The following GRIN3B variants were observed in gnomAD, a reference collection of about 807,000 sequenced individuals.
GRIN3B encodes glutamate receptor ionotropic, NMDA 3B.
In GRIN3B, 77 loss-of-function variants were observed where a neutral mutation model predicts 66.0. That is an observed-to-expected ratio of 1.17 (90% confidence interval 0.97 to 1.41). The LOEUF is 1.41. Ranked by LOEUF, GRIN3B falls within the 40% of genes most tolerant of loss-of-function variation. GRIN3B has a pLI of 0.00. For missense variants in GRIN3B, 1,787 were observed against 1,564.5 expected, an observed-to-expected ratio of 1.14 and a Z score of -2.40; for synonymous variants, 823 against 749.7, an observed-to-expected ratio of 1.10 and a Z score of -1.60.
In GRIN3B at chr19:1,009,477, C is replaced by A. The variant is rs538688866; in HGVS notation, c.3007C>A (p.Arg1003=). ...ARERLRQALV[R]RGQLLAQLGD... is the part of the protein sequence containing the mutation. ...TGAGCGGCTCCGCCAGGCCCTGGTG[C>A]GGCGCGGCCAGCTCCTGGCACAGCT... Residue 1003 remains arginine, a synonymous_variant, in exon 9 of 9, where the codon CGG becomes AGG. Coordinates refer to ENST00000234389, the MANE Select transcript of GRIN3B (RefSeq NM_138690.3). The A allele has an allele frequency of 1.7e-5, 26 of 1,486,530 alleles. No individual in the cohort carries two copies. The African/African-American group carries it at 3.4e-4, about 19-fold the overall frequency. The allele number at this position is 1,486,530 out of a possible 1,614,324, so 92.1% of individuals were successfully genotyped here.
At position 1,003,592 on chromosome 19, in the gene GRIN3B, G is replaced by A; in HGVS notation, c.889G>A (p.Val297Met). The A allele has an allele frequency of 1.6e-5, 24 of 1,470,572 alleles. No individual in the cohort carries two copies. Among genetic ancestry groups the A allele is most frequent in the Non-Finnish European group, 2.1e-5 (23 of 1,115,746 alleles). The allele number at this position is 1,470,572 out of a possible 1,614,324, so 91.1% of individuals were successfully genotyped here. ...PPLEAAIHDI[V>M]QLVARALGSA... ...GCTGGAGGCCGCCATCCATGACATT[G>A]TGCAACTGGTGGCCCGGGCGCTGGG... Residue 297 changes from valine (V) to methionine (M), a missense_variant, in exon 2 of 9, where the codon GTG becomes ATG. By Grantham distance (21) the Val-to-Met change is conservative (BLOSUM62 1). Coordinates refer to ENST00000234389, the MANE Select transcript of GRIN3B (RefSeq NM_138690.3).
At chr19:1,003,800 C>T (rs1245045825) in intron 2 of GRIN3B, 78 bp downstream of exon 2, 22 of 1,156,918 alleles carry the variant, frequency 1.9e-5, no homozygotes, top group African/African-American at 6.5e-5. Flanking sequence ...CAAAAGGCAA[C>T]GTGAGGCCAG....
At position 1,005,121 on chromosome 19, in the gene GRIN3B, G is replaced by C. The variant is rs754468082; in HGVS notation, c.1620G>C (p.Gln540His). The part of the protein sequence containing the change: ...TSFSINSARS[Q>H]VVDFTSPFFS... ...TCAGTATCAACTCCGCCCGCTCACA[G>C]GTGGTGGACTTCACCAGCCCCTTCT... The change falls in exon 3 of 9, where the codon CAG becomes CAC. Residue 540 changes from glutamine to histidine, a missense_variant. Gln to His is a conservative substitution (Grantham distance 24, BLOSUM62 0). Coordinates refer to ENST00000234389, the MANE Select transcript of GRIN3B (RefSeq NM_138690.3). This position sits in a 1 kb window ranked among gnomAD's most constrained non-coding sequence, Gnocchi z 5.2. 5 of 1,613,198 alleles carry C rather than the reference G, an allele frequency of 3.1e-6. No individual in the cohort carries two copies. The South Asian group carries it at 4.4e-5, about 14-fold the overall frequency.
chr19:1,007,862 C>CA lies in GRIN3B; in HGVS notation c.2205_2206insA (p.Pro736ThrfsTer36). ...CCGCCCCCGGCCCCAGCAGGAGCGACCCCCCCAAGCTCAACGCCTTCATCA... is the reference window on the plus strand; with the variant it reads ...CCGCCCCCGGCCCCAGCAGGAGCGACACCCCCCAAGCTCAACGCCTTCATCA... On this transcript the variant is annotated frameshift_variant, in exon 5 of 9. Coordinates refer to ENST00000234389, the MANE Select transcript of GRIN3B (RefSeq NM_138690.3). LOFTEE classifies it high-confidence loss of function. The surrounding 1 kb of genome is among the most constrained non-coding windows in gnomAD (Gnocchi z 4.4). 2.5e-6 allele frequency: 4 copies of CA among 1,605,738 alleles called. No homozygotes were observed. The East Asian group carries it at 9.0e-5, about 36-fold the overall frequency.
chr19:1,009,488 G>A lies in GRIN3B; in HGVS notation c.3018G>A (p.Gln1006=), dbSNP rs1444221669. Residue 1006 remains glutamine (Q), a synonymous_variant, in exon 9 of 9, where the codon CAG becomes CAA. Transcript: ENST00000234389. ...GCCAGGCCCTGGTGCGGCGCGGCCA[G>A]CTCCTGGCACAGCTCGGGGACAGCG... ...RLRQALVRRG[Q]LLAQLGDSAR... 1.3e-6 allele frequency: 2 copies of A among 1,490,938 alleles called. No individual in the cohort carries two copies. The highest frequency in any genetic ancestry group is 1.3e-5 in the South Asian group (1 of 78,994). 92.4% of individuals were successfully genotyped at this position (1,490,938 alleles called of 1,614,324 possible).
chr19:1,009,005 G>A, intron 8 of GRIN3B, 78 bp downstream of exon 8: 1 of 1,521,136 alleles, frequency 6.6e-7, no homozygotes, highest in Non-Finnish European at 8.9e-7. Flanking sequence ...GAAGCCGGCC[G>A]CGGGGTGCAG....
Position 1,005,727 on chromosome 19 carries a change from C to T in GRIN3B, c.2052+174C>T, listed in dbSNP as rs998340751. 1.3e-5 allele frequency among the ~76,000 whole-genome samples: 2 copies of T among 152,240 alleles called. No homozygotes were observed. The highest frequency in any genetic ancestry group is 4.8e-5 in the African/African-American group (2 of 41,538). On this transcript the variant is annotated intron_variant, in intron 3 of 8. Transcript: ENST00000234389. This position sits in a 1 kb window ranked among gnomAD's most constrained non-coding sequence, Gnocchi z 5.2. ...TTATTTAAAGAAAAATAGCCGGGCG[C>T]GGTGGCTCACGCCTGTAATCCCAGC...
intron 6 of GRIN3B, 127 bp downstream of exon 6, chr19:1,008,418 A>G (rs2038786347): frequency 2.8e-6 from 3 of 1,068,164 alleles, no homozygotes; most frequent in Non-Finnish European, 4.0e-6. Context: ...GCGCACTTCT[A>G]TTCACCCTAC....
chr19:1,009,368 C>T lies in GRIN3B; in HGVS notation c.2898C>T (p.Tyr966=), dbSNP rs1420492104. 5.1e-6 allele frequency: 7 copies of T among 1,369,800 alleles called. No individual in the cohort carries two copies. Among genetic ancestry groups the T allele is most frequent in the African/African-American group, 4.6e-5 (3 of 64,832 alleles). The allele number at this position is 1,369,800 out of a possible 1,614,324, so 84.9% of individuals were successfully genotyped here. A position where few individuals can be genotyped will look rare whatever the true frequency, so the allele number is the denominator to read the frequency against. Reference sequence around the variant, plus strand: ...AGGGCCCCGTCTGGCTGTGCTCCTACGGCCGCCCGCCCGCCGCAAGGCCCA... The same window carrying T: ...AGGGCCCCGTCTGGCTGTGCTCCTATGGCCGCCCGCCCGCCGCAAGGCCCA... The part of the protein sequence containing the change: ...PREGPVWLCS[Y]GRPPAARPTG... Residue 966 remains tyrosine (Y), a synonymous_variant, in exon 9 of 9, where the codon TAC becomes TAT. Coordinates refer to ENST00000234389, the MANE Select transcript of GRIN3B (RefSeq NM_138690.3).
In GRIN3B at chr19:1,005,695, A is replaced by T. The variant is rs1048308401; in HGVS notation, c.2052+142A>T. The T allele has an allele frequency of 8.3e-5, 56 of 674,572 alleles. No individual in the cohort carries two copies. Among genetic ancestry groups the T allele is most frequent in the Admixed American group, 1.6e-4 (5 of 30,622 alleles). The allele number at this position is 674,572 out of a possible 1,614,324, so 41.8% of individuals were successfully genotyped here. A position where few individuals can be genotyped will look rare whatever the true frequency, so the allele number is the denominator to read the frequency against. The stretch of plus-strand genomic sequence containing the variant: ...GGTCCCAAGAGACATTTATTCAATT[A>T]ATTTATTTATTTAAAGAAAAATAGC... On this transcript the variant is annotated intron_variant, in intron 3 of 8. Coordinates refer to ENST00000234389, the MANE Select transcript of GRIN3B (RefSeq NM_138690.3). This position sits in a 1 kb window ranked among gnomAD's most constrained non-coding sequence, Gnocchi z 5.2.
At position 1,005,507 on chromosome 19, in the gene GRIN3B, T is replaced by C; in HGVS notation, c.2006T>C (p.Val669Ala). The C allele has an allele frequency of 6.2e-7, 1 of 1,612,754 alleles. No individual in the cohort carries two copies. The highest frequency in any genetic ancestry group is 1.1e-5 in the South Asian group (1 of 91,054). ...ACGGCCAACCTGGCTGCCGTCATGGTCGGGGACAAGACCTTCGAGGAGCTG... is the reference window on the plus strand; with the variant it reads ...ACGGCCAACCTGGCTGCCGTCATGGCCGGGGACAAGACCTTCGAGGAGCTG... ...SYTANLAAVM[V>A]GDKTFEELSG... Residue 669 changes from valine to alanine, a missense_variant, in exon 3 of 9, where the codon GTC becomes GCC. Coordinates refer to ENST00000234389, the MANE Select transcript of GRIN3B (RefSeq NM_138690.3). The surrounding 1 kb of genome is among the most constrained non-coding windows in gnomAD (Gnocchi z 5.2).
intron 1 of GRIN3B, among the ~76,000 whole-genome samples, chr19:1,001,375 G>A (rs2038682834): frequency 6.6e-6 from 1 of 151,970 alleles, no homozygotes; most frequent in Non-Finnish European, 1.5e-5. Context: ...TCCCCTCCCA[G>A]AGGCCTCCAA....
chr19:1,007,716 A>G lies in GRIN3B; in HGVS notation c.2141A>G (p.His714Arg). ...ATCAAGAAGAGCTTCCCCGACATGC[A>G]CGCACACATGCGGCGCCACAGCGCG... ...AYIKKSFPDM[H>R]AHMRRHSAPT... Residue 714 changes from histidine (H) to arginine (R), a missense_variant, in exon 4 of 9, where the codon CAC becomes CGC. Coordinates refer to ENST00000234389, the MANE Select transcript of GRIN3B (RefSeq NM_138690.3). This position sits in a 1 kb window ranked among gnomAD's most constrained non-coding sequence, Gnocchi z 4.4. 2.0e-6 allele frequency: 3 copies of G among 1,534,814 alleles called. No individual in the cohort carries two copies. Among genetic ancestry groups the G allele is most frequent in the Non-Finnish European group, 2.6e-6 (3 of 1,141,722 alleles).
intron 8 of GRIN3B, 105 bp downstream of exon 8, chr19:1,009,032 C>T (rs1157785393): frequency 2.0e-6 from 3 of 1,464,994 alleles, no homozygotes; most frequent in African/African-American, 2.8e-5. Context: ...CCCGGAGGTC[C>T]CCCGCCCACC....
rs1285597219 is a variant in GRIN3B, at chr19:1,005,493, G to T, written c.1992G>T (p.Leu664=). 1 of 1,612,994 alleles carries T rather than the reference G, an allele frequency of 6.2e-7. No individual in the cohort carries two copies. The highest frequency in any genetic ancestry group is 8.5e-7 in the Non-Finnish European group (1 of 1,179,914). ...TGCTGTCCAGCTACACGGCCAACCT[G>T]GCTGCCGTCATGGTCGGGGACAAGA... is the stretch of plus-strand genomic sequence containing the variant. ...LLVLSSYTAN[L]AAVMVGDKTF... is the part of the protein sequence containing the mutation. The change falls in exon 3 of 9, where the codon CTG becomes CTT. Residue 664 remains leucine, a synonymous_variant. Coordinates refer to ENST00000234389, the MANE Select transcript of GRIN3B (RefSeq NM_138690.3). The surrounding 1 kb of genome is among the most constrained non-coding windows in gnomAD (Gnocchi z 5.2).
Position 1,008,928 on chromosome 19 carries a change from G to GT in GRIN3B, c.2702+2dup. On this transcript the variant is annotated splice_donor_variant, in intron 8 of 8. Transcript: ENST00000234389. LOFTEE classifies it high-confidence loss of function. The stretch of plus-strand genomic sequence containing the variant: ...AGGAGACGGCAGAGGCGGAGCCCAG[G>GT]TAAGTGGTGGTCGGGGCGGACCACG... 2 of 1,605,168 alleles carry GT rather than the reference G, an allele frequency of 1.2e-6. No individual in the cohort carries two copies. Among genetic ancestry groups the GT allele is most frequent in the Non-Finnish European group, 1.7e-6 (2 of 1,176,680 alleles).
chr19:1,008,031 G>A, intron 5 of GRIN3B, 60 bp downstream of exon 5: 1 of 1,586,478 alleles, frequency 6.3e-7, no homozygotes, highest in South Asian at 1.1e-5. Context: ...TGGGGGCAGT[G>A]GGGAGCCACG....
Position 1,003,565 on chromosome 19 carries a change from C to T in GRIN3B, c.862C>T (p.Pro288Ser), listed in dbSNP as rs540083868. 9.3e-5 allele frequency: 140 copies of T among 1,501,418 alleles called. 2 individuals are homozygous for T. In the South Asian group the frequency reaches 1.6e-3, roughly 17 times the overall value. The allele number at this position is 1,501,418 out of a possible 1,614,324, so 93.0% of individuals were successfully genotyped here. ...LLALGEVARP[P>S]LEAAIHDIVQ... is the part of the protein sequence containing the mutation. ...GGCGCTGGGCGAGGTGGCACGACCC[C>T]CGCTGGAGGCCGCCATCCATGACAT... Residue 288 changes from proline to serine, a missense_variant, in exon 2 of 9, where the codon CCG becomes TCG. Physicochemically the swap from Pro to Ser is moderately conservative, Grantham distance 74. Coordinates refer to ENST00000234389, the MANE Select transcript of GRIN3B (RefSeq NM_138690.3).
At position 1,000,845 on chromosome 19, in the gene GRIN3B, C is replaced by G; in HGVS notation, c.408C>G (p.Arg136=). Residue 136 remains arginine, a synonymous_variant, in exon 1 of 9, where the codon CGC becomes CGG. Coordinates refer to ENST00000234389, the MANE Select transcript of GRIN3B (RefSeq NM_138690.3). ...PVLSLLRREA[R]APLGAPNPFH... ...TCAGCCTGCTGCGGCGGGAGGCGCG[C>G]GCGCCCCTCGGAGCCCCGGTACGCG... The G allele has an allele frequency of 7.0e-7, 1 of 1,425,096 alleles. No homozygotes were observed. Among genetic ancestry groups the G allele is most frequent in the Non-Finnish European group, 9.1e-7 (1 of 1,094,730 alleles). 88.3% of individuals were successfully genotyped at this position (1,425,096 alleles called of 1,614,324 possible).
Sources: gnomAD v4.1 joint callset for allele counts (sites outside exome capture counted in the v4.1 genomes callset) on GRCh38, gnomAD v4.1.1 for gene constraint, Gnocchi (gnomAD v3.1) non-coding constraint, MANE v1.5 for transcripts, NCBI Gene and HGNC (gene_info 2026-07-23, HGNC 2026-07-21) for gene names.